Variants in GRID1 observed in about 807,000 individuals in gnomAD.
GRID1 encodes the protein glutamate ionotropic receptor delta type subunit 1.
GRID1 carries 28 observed loss-of-function variants against 98.0 expected under a neutral mutation model. That is an observed-to-expected ratio of 0.29 (90% CI 0.21 to 0.39). The LOEUF is 0.39. Among genes scored for constraint, GRID1 ranks in the 10% least tolerant of loss-of-function variants. The pLI, the probability that GRID1 is intolerant of heterozygous loss-of-function variation, is 1.00. For missense variants in GRID1, 1,111 were observed against 1,340.5 expected (o/e 0.83, Z 2.67); for synonymous variants, 553 against 538.5 (o/e 1.03, Z -0.37).
rs543285154 is a variant in GRID1 at position 86,192,409 on chromosome 10, C to G, written c.520+13955G>C. On this transcript the variant is annotated intron_variant, in intron 3 of 15. Transcript: ENST00000327946. This position sits in a 1 kb window ranked among gnomAD's most constrained non-coding sequence, Gnocchi z 4.8. ...ACAGTGTGGAGGAAAGTAGAAAGCA[C>G]TATGCTAAGTGAAATAAGCCAGTCT... Among the ~76,000 whole-genome samples the G allele has an allele frequency of 2.0e-5, 3 of 152,292 alleles. No individual in the cohort carries two copies. The East Asian group carries it at 5.8e-4, about 29-fold the overall frequency.
intron 8 of GRID1, among the ~76,000 whole-genome samples, chr10:85,810,212 T>A (rs1842658530): frequency 6.6e-6 from 1 of 150,832 alleles, no homozygotes; most frequent in Non-Finnish European, 1.5e-5. Context: ...TGGAGTGTGC[T>A]CTGCCCTGGG....
At chr10:85,762,891 C>T (rs539388435) in intron 8 of GRID1, among the ~76,000 whole-genome samples, 2 of 152,148 alleles carry the variant, frequency 1.3e-5, no homozygotes, top group Non-Finnish European at 2.9e-5. Context: ...AGACAGGAGG[C>T]CCCTGAGTAG....
intron 3 of GRID1, among the ~76,000 whole-genome samples, chr10:86,196,577 A>G (rs1326546228): frequency 6.6e-6 from 1 of 152,112 alleles, no homozygotes; most frequent in Non-Finnish European, 1.5e-5. Context: ...CTTCCAACAC[A>G]AGCCAGGCTC....
chr10:86,076,327 G>A (rs556566183), intron 4 of GRID1, among the ~76,000 whole-genome samples: 1 of 152,320 alleles, frequency 6.6e-6, no homozygotes, highest in Admixed American at 6.5e-5. Context: ...TAATTAACAG[G>A]TGATATGAAG....
At chr10:86,205,724 T>TA (rs1358028752) in intron 3 of GRID1, among the ~76,000 whole-genome samples, 1 of 152,250 alleles carries the variant, frequency 6.6e-6, no homozygotes, top group Non-Finnish European at 1.5e-5. Flanking sequence ...AGTCTGTTTT[T>TA]ACAGAGCAGT....
chr10:85,948,900 T>C (rs754705597), intron 4 of GRID1, among the ~76,000 whole-genome samples: 4 of 152,244 alleles, frequency 2.6e-5, no homozygotes, highest in Non-Finnish European at 5.9e-5. Context: ...ATACGATATT[T>C]CATTGTTGTC....
chr10:85,727,254 T>G (rs868369118), intron 10 of GRID1, among the ~76,000 whole-genome samples: 1 of 152,258 alleles, frequency 6.6e-6, no homozygotes, highest in South Asian at 2.1e-4. Context: ...ATGGAGGATT[T>G]GAGTCAGATG....
intron 8 of GRID1, among the ~76,000 whole-genome samples, chr10:85,795,190 A>T (rs1483994334): frequency 6.6e-6 from 1 of 152,184 alleles, no homozygotes; most frequent in East Asian, 1.9e-4. Flanking sequence ...CCACAGAAGG[A>T]TATTCTAACA....
intron 13 of GRID1, among the ~76,000 whole-genome samples, chr10:85,641,697 A>G (rs191162582): frequency 5.3e-5 from 8 of 152,346 alleles, no homozygotes; most frequent in African/African-American, 9.6e-5. Context: ...GAAAGTATGA[A>G]TGCATGTAAA....
intron 4 of GRID1, among the ~76,000 whole-genome samples, chr10:86,040,441 A>G (rs1030334360): frequency 2.0e-5 from 3 of 149,916 alleles, no homozygotes; most frequent in Non-Finnish European, 4.4e-5. Flanking sequence ...GACAACATGG[A>G]TGAGTCATTA....
intron 8 of GRID1, among the ~76,000 whole-genome samples, chr10:85,735,963 G>A (rs1841876909): frequency 7.3e-6 from 1 of 136,224 alleles, no homozygotes; most frequent in African/African-American, 2.7e-5. Context: ...GGGAGAAAGT[G>A]AAGAAGGGAG....
intron 4 of GRID1, among the ~76,000 whole-genome samples, chr10:85,965,332 C>A (rs1479911799): frequency 6.6e-6 from 1 of 152,196 alleles, no homozygotes; most frequent in African/African-American, 2.4e-5. Context: ...AAGACACATG[C>A]ACACATATGT....
intron 10 of GRID1, among the ~76,000 whole-genome samples, chr10:85,727,050 A>C (rs1447395070): frequency 6.6e-6 from 1 of 152,226 alleles, no homozygotes; most frequent in Non-Finnish European, 1.5e-5. Flanking sequence ...AAGAGTCAGA[A>C]GGACAACTTG....
intron 8 of GRID1, among the ~76,000 whole-genome samples, chr10:85,757,713 C>CTATCCAAAGA (rs1475595650): frequency 6.6e-6 from 1 of 152,218 alleles, no homozygotes; most frequent in Non-Finnish European, 1.5e-5. Flanking sequence ...AGGTCAAATT[C>CTATCCAAAGA]TAGCTCCATC....
At chr10:86,095,942 G>A (rs1005400694) in intron 4 of GRID1, among the ~76,000 whole-genome samples, 6 of 152,168 alleles carry the variant, frequency 3.9e-5, no homozygotes, top group African/African-American at 1.2e-4. Context: ...ATTCACAATT[G>A]CAAAATCATG....
At chr10:86,103,343 C>T (rs1056010852) in intron 4 of GRID1, among the ~76,000 whole-genome samples, 4 of 152,208 alleles carry the variant, frequency 2.6e-5, no homozygotes, top group African/African-American at 9.6e-5. Flanking sequence ...CATCAATTCC[C>T]TATAGGGCCC....
At chr10:85,812,021 T>C (rs888500423) in intron 8 of GRID1, among the ~76,000 whole-genome samples, 4 of 152,166 alleles carry the variant, frequency 2.6e-5, no homozygotes, top group African/African-American at 7.2e-5. Flanking sequence ...GAAGAAATCT[T>C]ACAGGCCAGA....
chr10:85,986,368 G>A (rs1842608671), intron 4 of GRID1, among the ~76,000 whole-genome samples: 1 of 152,252 alleles, frequency 6.6e-6, no homozygotes, highest in South Asian at 2.1e-4. Context: ...CACTGGAGCA[G>A]TCAGTCCAAG....
chr10:86,174,764 G>A (rs1300800608), intron 3 of GRID1, among the ~76,000 whole-genome samples: 1 of 150,006 alleles, frequency 6.7e-6, no homozygotes, highest in African/African-American at 2.5e-5. Flanking sequence ...CTAATATCCA[G>A]AATCTACAAT....
Sources: allele counts gnomAD v4.1 joint callset (sites outside exome capture counted in the v4.1 genomes callset), GRCh38; gene constraint gnomAD v4.1.1; non-coding constraint Gnocchi (gnomAD v3.1); transcripts MANE v1.5; gene names NCBI Gene and HGNC (gene_info 2026-07-23, HGNC 2026-07-21).